ATG7: variants seen among roughly 807,000 people sequenced by gnomAD.
ATG7 encodes autophagy related 7.
A neutral mutation model predicts 82.4 loss-of-function variants in ATG7; 70 were observed. The observed-to-expected ratio is 0.85, with a 90% CI of 0.70 to 1.04. The LOEUF (loss-of-function observed/expected upper bound fraction) is 1.04, where lower values mean the gene tolerates loss of function less well. ATG7 is among the 50% of genes least tolerant of loss of function. The pLI is 0.00. For synonymous variants in ATG7, 287 were observed against 313.0 expected, an observed-to-expected ratio of 0.92 and a Z score of 0.88; for missense variants, 792 against 864.3, an observed-to-expected ratio of 0.92 and a Z score of 1.05.
rs755596978 is a variant in ATG7, at chr3:11,313,327, C to T, written c.435C>T (p.Tyr145=). Residue 145 remains tyrosine, a synonymous_variant, in exon 8 of 21, where the codon TAC becomes TAT. Coordinates refer to ENST00000693202, the MANE Select transcript of ATG7 (RefSeq NM_001349232.2). ...AGGATCTAAAGAAGTACCACTTCTA[C>T]TATTGGTTTTGCTATCCTGCCCTCT... ...TFADLKKYHF[Y]YWFCYPALCL... 4.8e-5 allele frequency: 78 copies of T among 1,609,840 alleles called. 1 individual carries two copies. In the South Asian group the frequency reaches 7.8e-4, roughly 16 times the overall value.
intron 14 of ATG7, among the ~76,000 whole-genome samples, chr3:11,355,393 A>G (rs554569014): frequency 1.3e-5 from 2 of 152,348 alleles, no homozygotes; most frequent in South Asian, 4.1e-4. Context: ...TGACTTTATA[A>G]AAATTTAAAA....
intron 20 of ATG7, among the ~76,000 whole-genome samples, chr3:11,428,232 A>G (rs2082543454): frequency 6.6e-6 from 1 of 152,232 alleles, no homozygotes; most frequent in Admixed American, 6.5e-5. Context: ...TATCCTCACC[A>G]TTCAGGGAGG....
intron 9 of ATG7, 34 bp from the exon 10 acceptor site, chr3:11,331,306 C>A: frequency 6.6e-7 from 1 of 1,504,626 alleles, no homozygotes; most frequent in Non-Finnish European, 9.3e-7. Context: ...TGACATGATA[C>A]TCGACTTACT....
chr3:11,400,550 T>C (rs143628966), intron 19 of ATG7, among the ~76,000 whole-genome samples: 27 of 152,176 alleles, frequency 1.8e-4, no homozygotes, highest in Non-Finnish European at 3.8e-4. Flanking sequence ...GAAGAGTAGA[T>C]AGAAATGTGA....
Position 11,288,324 on chromosome 3 carries a change from C to G in ATG7, c.-11+5886C>G, listed in dbSNP as rs552243338. On this transcript the variant is annotated intron_variant, in intron 3 of 20. Transcript: ENST00000693202. ...AGCATCCATCCATTGGCCCTTTGTG[C>G]GAAAAGAGAGCTATTATTTCATTTC... Among the ~76,000 whole-genome samples, 19 of 152,220 alleles carry G rather than the reference C, an allele frequency of 1.2e-4. No homozygotes were observed. The South Asian group carries it at 3.5e-3, about 28-fold the overall frequency.
At chr3:11,513,525 C>T (rs2092156204) in intron 20 of ATG7, among the ~76,000 whole-genome samples, 4 of 152,210 alleles carry the variant, frequency 2.6e-5, no homozygotes, top group African/African-American at 7.2e-5. Context: ...CAGGGCCAGC[C>T]GGCCGCTCCC....
chr3:11,558,746 G>A, downstream of ATG7: 1 of 1,614,174 alleles, frequency 6.2e-7, no homozygotes, highest in Non-Finnish European at 8.5e-7. Context: ...CACGGAGTTG[G>A]GTGCCGGCTC....
intron 20 of ATG7, among the ~76,000 whole-genome samples, chr3:11,540,765 A>C (rs1353676957): frequency 6.6e-6 from 1 of 152,056 alleles, no homozygotes; most frequent in African/African-American, 2.4e-5. Flanking sequence ...AGAGAGGAAA[A>C]GTTTTGAATT....
chr3:11,549,036 G>C (rs1360307841), intron 20 of ATG7, among the ~76,000 whole-genome samples: 3 of 152,100 alleles, frequency 2.0e-5, no homozygotes, highest in African/African-American at 4.8e-5. Flanking sequence ...GAAGCAGTGA[G>C]GTTCTTGCCA....
At chr3:11,383,437 A>T (rs1487596883) in intron 19 of ATG7, among the ~76,000 whole-genome samples, 1 of 152,150 alleles carries the variant, frequency 6.6e-6, no homozygotes, top group Non-Finnish European at 1.5e-5. Context: ...AATATATTAT[A>T]TACCTTTCGG....
At chr3:11,393,641 G>T (rs185148257) in intron 19 of ATG7, among the ~76,000 whole-genome samples, 49 of 152,092 alleles carry the variant, frequency 3.2e-4, no homozygotes, top group African/African-American at 1.1e-3. Flanking sequence ...TCACCATGGG[G>T]CAGAGAAGAG....
At chr3:11,447,659 CG>C (rs1383423834) in intron 20 of ATG7, among the ~76,000 whole-genome samples, 1 of 151,884 alleles carries the variant, frequency 6.6e-6, no homozygotes, top group Non-Finnish European at 1.5e-5. Context: ...AACATGGACT[CG>C]GGCAGTTCCA....
At chr3:11,318,865 T>C (rs1013588866) in intron 9 of ATG7, among the ~76,000 whole-genome samples, 1 of 152,212 alleles carries the variant, frequency 6.6e-6, no homozygotes, top group African/African-American at 2.4e-5. Context: ...TCTGATTCAT[T>C]ACCCCAGGAA....
intron 3 of ATG7, among the ~76,000 whole-genome samples, chr3:11,293,421 C>T (rs1255502584): frequency 6.6e-6 from 1 of 151,306 alleles, no homozygotes; most frequent in African/African-American, 2.4e-5. Context: ...ATCCCAGCTA[C>T]TCAAGAGGCT....
chr3:11,543,185 G>T (rs777485679), intron 20 of ATG7, among the ~76,000 whole-genome samples: 1 of 152,216 alleles, frequency 6.6e-6, no homozygotes, highest in Non-Finnish European at 1.5e-5. Context: ...GATGTTCCTT[G>T]TGTAAGTCAC....
At chr3:11,558,531 C>G, downstream of ATG7, 1 of 1,565,006 alleles carries the variant, frequency 6.4e-7, no homozygotes, top group South Asian at 1.1e-5. Flanking sequence ...TGCAGATCCA[C>G]GTGTTGTTGG....
intron 17 of ATG7, among the ~76,000 whole-genome samples, chr3:11,363,941 T>C (rs1317266093): frequency 6.6e-6 from 1 of 152,208 alleles, no homozygotes; most frequent in Non-Finnish European, 1.5e-5. Flanking sequence ...CTCTTTGTCA[T>C]CCACCTTAGC....
chr3:11,431,836 G>C (rs995683065), intron 20 of ATG7, among the ~76,000 whole-genome samples: 2 of 152,142 alleles, frequency 1.3e-5, no homozygotes, highest in African/African-American at 4.8e-5. Flanking sequence ...TCCAACTAGA[G>C]ACTACAAATT....
chr3:11,467,620 C>T (rs1468101567), intron 20 of ATG7, among the ~76,000 whole-genome samples: 1 of 152,222 alleles, frequency 6.6e-6, no homozygotes, highest in Non-Finnish European at 1.5e-5. Flanking sequence ...AGGTAATCCA[C>T]CTGCCTTGGC....
Sources: gnomAD v4.1 joint callset for allele counts (sites outside exome capture counted in the v4.1 genomes callset) on GRCh38, gnomAD v4.1.1 for gene constraint, MANE v1.5 for transcripts, NCBI Gene and HGNC (gene_info 2026-07-23, HGNC 2026-07-21) for gene names.